The following WNT2 variants were observed in gnomAD, a reference collection of about 807,000 sequenced individuals.
WNT2 encodes protein Wnt-2.
WNT2 carries 12 observed loss-of-function variants against 36.9 expected under a neutral mutation model. That is an observed-to-expected ratio of 0.33 (90% CI 0.21 to 0.53). The LOEUF (loss-of-function observed/expected upper bound fraction) is 0.53, where lower values mean the gene tolerates loss of function less well. WNT2 is among the 20% of genes least tolerant of loss of function. The probability of loss-of-function intolerance (pLI) is 0.95; values close to 1 mark genes in which losing one functional copy is unlikely to be tolerated. For missense variants in WNT2, 379 were observed against 473.1 expected (o/e 0.80, Z 1.84); for synonymous variants, 163 against 174.6 (o/e 0.93, Z 0.52).
In WNT2 at chr7:117,275,989, T is replaced by C. The variant is rs541038165; in HGVS notation, c.*2166A>G. 4.1e-4 allele frequency among the ~76,000 whole-genome samples: 62 copies of C among 152,304 alleles called. No homozygotes were observed. Among genetic ancestry groups the C allele is most frequent in the Admixed American group, 5.2e-4 (8 of 15,298 alleles). The stretch of plus-strand genomic sequence containing the variant: ...CATAAAAAAAGTAGCAAACACACCA[T>C]TGGAAGCTAAAATTATTTAAAATCC... On this transcript the variant is annotated 3_prime_UTR_variant, in exon 5 of 5. Coordinates refer to ENST00000265441, the MANE Select transcript of WNT2 (RefSeq NM_003391.3).
chr7:117,291,650 G>T (rs1241725067), intron 4 of WNT2, among the ~76,000 whole-genome samples: 1 of 152,196 alleles, frequency 6.6e-6, no homozygotes, highest in Admixed American at 6.5e-5. Flanking sequence ...TGAGCTGCAT[G>T]GGGCGAGTAA....
rs530911705 is a variant in WNT2 at position 117,319,140 on chromosome 7, G to A, written c.310+1427C>T. 6.6e-5 allele frequency among the ~76,000 whole-genome samples: 10 copies of A among 152,168 alleles called. No individual in the cohort carries two copies. The South Asian group carries it at 8.3e-4, about 13-fold the overall frequency. ...TGCATAATATATCCAAAGATTACTC[G>A]TGCTAGATATTTGCAAACTCTCTTT... On this transcript the variant is annotated intron_variant, in intron 2 of 4. Coordinates refer to ENST00000265441, the MANE Select transcript of WNT2 (RefSeq NM_003391.3).
In WNT2 at chr7:117,297,646, A is replaced by T; in HGVS notation, c.819T>A (p.Asn273Lys). The change falls in exon 4 of 5, where the codon AAT becomes AAA. Residue 273 changes from asparagine (N) to lysine (K), a missense_variant. Asn to Lys is a moderately conservative substitution (Grantham distance 94). Transcript: ENST00000265441. ...PTKNDLVYFE[N>K]SPDYCIRDRE... Reference sequence around the variant, plus strand: ...GGTCCCTGATACAGTAGTCTGGAGAATTCTCAAAATACACGAGGTCATTTT... The same window carrying T: ...GGTCCCTGATACAGTAGTCTGGAGATTTCTCAAAATACACGAGGTCATTTT... The T allele has an allele frequency of 6.2e-7, 1 of 1,613,940 alleles. No homozygotes were observed. The highest frequency in any genetic ancestry group is 8.5e-7 in the Non-Finnish European group (1 of 1,179,804).
chr7:117,288,158 G>A (rs976924319), intron 4 of WNT2, among the ~76,000 whole-genome samples: 11 of 152,100 alleles, frequency 7.2e-5, no homozygotes, highest in African/African-American at 2.4e-4. Flanking sequence ...TACCAAAAAC[G>A]TGGCACATTT....
In WNT2 at chr7:117,292,847, T is replaced by C. The variant is rs966359488; in HGVS notation, c.853+4765A>G. Reference sequence around the variant, plus strand: ...TAGTTTTCCTTAGCAAGAAATCAGGTACTGAAAAAACATATATATATGAAA... The same window carrying C: ...TAGTTTTCCTTAGCAAGAAATCAGGCACTGAAAAAACATATATATATGAAA... On this transcript the variant is annotated intron_variant, in intron 4 of 4. Transcript: ENST00000265441. Among the ~76,000 whole-genome samples the C allele has an allele frequency of 2.8e-4, 43 of 152,134 alleles. 1 individual carries two copies. The highest frequency in any genetic ancestry group is 7.4e-5 in the Non-Finnish European group (5 of 68,004).
chr7:117,302,407 A>G (rs1439758196), intron 3 of WNT2, among the ~76,000 whole-genome samples: 1 of 152,236 alleles, frequency 6.6e-6, no homozygotes, highest in Non-Finnish European at 1.5e-5. Flanking sequence ...AAAATAGTAA[A>G]AAGACTGATA....
Position 117,276,128 on chromosome 7 carries a change from T to C in WNT2, c.*2027A>G, listed in dbSNP as rs979773339. ...ATGGAGCATTGGGCAATGCCTGATATGTGCACCAATCCCTTCGCCTCTCTT... is the reference window on the plus strand; with the variant it reads ...ATGGAGCATTGGGCAATGCCTGATACGTGCACCAATCCCTTCGCCTCTCTT... On this transcript the variant is annotated 3_prime_UTR_variant, in exon 5 of 5. Coordinates refer to ENST00000265441, the MANE Select transcript of WNT2 (RefSeq NM_003391.3). Among the ~76,000 whole-genome samples the C allele has an allele frequency of 1.3e-5, 2 of 152,318 alleles. No homozygotes were observed. The highest frequency in any genetic ancestry group is 3.9e-4 in the East Asian group (2 of 5,188).
intron 3 of WNT2, among the ~76,000 whole-genome samples, chr7:117,306,924 C>T (rs1346911102): frequency 6.6e-6 from 1 of 152,214 alleles, no homozygotes; most frequent in East Asian, 1.9e-4. Flanking sequence ...TCAATAGGCT[C>T]ATAACTGCTT....
At chr7:117,316,606 T>C (rs1043555530) in intron 2 of WNT2, among the ~76,000 whole-genome samples, 2 of 152,202 alleles carry the variant, frequency 1.3e-5, no homozygotes, top group African/African-American at 4.8e-5. Flanking sequence ...AAATTTATTA[T>C]ACATCCCTTG....
At chr7:117,293,962 C>T (rs1794740412) in intron 4 of WNT2, among the ~76,000 whole-genome samples, 1 of 152,192 alleles carries the variant, frequency 6.6e-6, no homozygotes, top group African/African-American at 2.4e-5. Flanking sequence ...GGTTAGAGGA[C>T]ACTCCAGGAT....
At chr7:117,279,924 G>A (rs2896218) in intron 4 of WNT2, among the ~76,000 whole-genome samples, 91,852 of 151,932 alleles carry the variant, frequency 0.6, 27,830 homozygotes, top group East Asian at 0.69. Context: ...TATCTCTGAC[G>A]ATGCCTCGTG....
In WNT2 at chr7:117,314,976, AT is replaced by A. The variant is rs368722468; in HGVS notation, c.588+94del. 1.3e-4 allele frequency: 203 copies of A among 1,523,318 alleles called. No individual in the cohort carries two copies. In the African/African-American group the frequency reaches 2.5e-3, roughly 19 times the overall value. The allele number at this position is 1,523,318 out of a possible 1,614,324, so 94.4% of individuals were successfully genotyped here. ...CAGTAGGAAGTTGTGACTACACAGC[AT>A]TTTATCAATTCTAGGGAAGTTTAAG... On this transcript the variant is annotated intron_variant, in intron 3 of 4. Coordinates refer to ENST00000265441, the MANE Select transcript of WNT2 (RefSeq NM_003391.3).
intron 4 of WNT2, among the ~76,000 whole-genome samples, chr7:117,279,307 T>C (rs924916813): frequency 2.6e-5 from 4 of 152,214 alleles, no homozygotes; most frequent in African/African-American, 7.2e-5. Flanking sequence ...TGGGAGAGTA[T>C]GCTGGGCTTA....
At chr7:117,316,841 G>A (rs989599124) in intron 2 of WNT2, among the ~76,000 whole-genome samples, 1 of 152,132 alleles carries the variant, frequency 6.6e-6, no homozygotes, top group South Asian at 2.1e-4. Context: ...TACGAGAGCT[G>A]TTTTAAAGAG....
At chr7:117,289,051 CTTTTTT>C (rs1187027317) in intron 4 of WNT2, among the ~76,000 whole-genome samples, 6 of 89,440 alleles carry the variant, frequency 6.7e-5, no homozygotes, top group African/African-American at 1.9e-4. Flanking sequence ...TCACGTTAGA[CTTTTTT>C]TTTTTTTTTT....
chr7:117,314,059 T>C (rs1795170317), intron 3 of WNT2, among the ~76,000 whole-genome samples: 1 of 152,256 alleles, frequency 6.6e-6, no homozygotes, highest in East Asian at 1.9e-4. Flanking sequence ...TTCAATTTTA[T>C]GCTTATCTTT....
At chr7:117,283,512 T>C (rs903065941) in intron 4 of WNT2, among the ~76,000 whole-genome samples, 2 of 152,216 alleles carry the variant, frequency 1.3e-5, no homozygotes, top group African/African-American at 4.8e-5. Context: ...TCTAACTTGG[T>C]AGTCTTTCTT....
At chr7:117,301,765 T>C (rs970999663) in intron 3 of WNT2, among the ~76,000 whole-genome samples, 1 of 152,082 alleles carries the variant, frequency 6.6e-6, no homozygotes, top group African/African-American at 2.4e-5. Flanking sequence ...ATGATTTGAA[T>C]TGTGATTTTG....
chr7:117,287,357 A>G (rs1794603298), intron 4 of WNT2, among the ~76,000 whole-genome samples: 1 of 152,008 alleles, frequency 6.6e-6, no homozygotes, highest in Non-Finnish European at 1.5e-5. Context: ...CAAAAACAAA[A>G]ACAAAAAGTT....
Sources: allele counts gnomAD v4.1 joint callset (sites outside exome capture counted in the v4.1 genomes callset), GRCh38; gene constraint gnomAD v4.1.1; transcripts MANE v1.5; gene names NCBI Gene and HGNC (gene_info 2026-07-23, HGNC 2026-07-21).